The following TMEM214 variants were observed in gnomAD, a reference collection of about 807,000 sequenced individuals.
TMEM214 encodes transmembrane protein 214.
In TMEM214, 71 loss-of-function variants were observed where a neutral mutation model predicts 89.8. The observed-to-expected ratio is 0.79, with a 90% CI of 0.65 to 0.96. The LOEUF is 0.96. Ranked by LOEUF, TMEM214 falls within the 40% of genes least tolerant of loss-of-function variation. The probability of loss-of-function intolerance (pLI) is 0.00; values close to 1 mark genes in which losing one functional copy is unlikely to be tolerated. For missense variants in TMEM214, 754 were observed against 843.4 expected, an observed-to-expected ratio of 0.89 and a Z score of 1.31; for synonymous variants, 332 against 349.5, an observed-to-expected ratio of 0.95 and a Z score of 0.56.
In TMEM214 at chr2:27,034,050, A is replaced by G; in HGVS notation, c.152-17A>G. On this transcript the variant is annotated splice_polypyrimidine_tract_variant and intron_variant, in intron 1 of 16. Transcript: ENST00000238788. ...ACTCAAGGGTGGCCTGCCTTTCTCTACCTATCTTCACCCCAGCTGCAATCC... is the reference window on the plus strand; with the variant it reads ...ACTCAAGGGTGGCCTGCCTTTCTCTGCCTATCTTCACCCCAGCTGCAATCC... The G allele has an allele frequency of 1.2e-6, 2 of 1,613,846 alleles. No homozygotes were observed. The highest frequency in any genetic ancestry group is 1.7e-6 in the Non-Finnish European group (2 of 1,179,906).
chr2:27,034,080 C>G lies in TMEM214; in HGVS notation c.165C>G (p.Thr55=), dbSNP rs200298703. The G allele has an allele frequency of 2.5e-6, 4 of 1,614,018 alleles. No individual in the cohort carries two copies. Among genetic ancestry groups the G allele is most frequent in the African/African-American group, 1.3e-5 (1 of 74,900 alleles). The change falls in exon 2 of 17, where the codon ACC becomes ACG. Residue 55 remains threonine, a synonymous_variant. Coordinates refer to ENST00000238788, the MANE Select transcript of TMEM214 (RefSeq NM_017727.5). ...TCTTCACCCCAGCTGCAATCCAGAC[C>G]ACAAGCACCCTTTATGAGCGGGGCT... is the stretch of plus-strand genomic sequence containing the variant. ...WKYDLTPAIQ[T]TSTLYERGFE...
Position 27,035,587 on chromosome 2 carries a change from G to C in TMEM214, c.503-7G>C, listed in dbSNP as rs773958210. 5.6e-6 allele frequency: 9 copies of C among 1,614,122 alleles called. No individual in the cohort carries two copies. The highest frequency in any genetic ancestry group is 7.6e-6 in the Non-Finnish European group (9 of 1,180,022). On this transcript the variant is annotated splice_polypyrimidine_tract_variant and splice_region_variant and intron_variant, in intron 3 of 16. Transcript: ENST00000238788. ...CTAGCACTCACATTGAGGCCTATGG[G>C]CCTTAGATTATCCCTACAGCCTGGT...
chr2:27,036,864 C>CATAGCCTCCCATT, intron 7 of TMEM214, 78 bp downstream of exon 7: 1 of 1,458,944 alleles, frequency 6.9e-7, no homozygotes, highest in Non-Finnish European at 9.6e-7. Context: ...AGGCTATGAT[C>CATAGCCTCCCATT]TTGGTCTCCA....
At chr2:27,037,262 C>A (rs1667608121) in intron 8 of TMEM214, 84 bp downstream of exon 8, 2 of 1,210,642 alleles carry the variant, frequency 1.7e-6, no homozygotes, top group Non-Finnish European at 1.2e-6. Context: ...CCTTCCCCAG[C>A]CATCCTAGAT....
chr2:27,039,049 C>G lies in TMEM214; in HGVS notation c.1410C>G (p.Gly470=), dbSNP rs771884252. Residue 470 remains glycine, a splice_region_variant and synonymous_variant, in exon 13 of 17, where the codon GGC becomes GGG. Coordinates refer to ENST00000238788, the MANE Select transcript of TMEM214 (RefSeq NM_017727.5). ...GTCTCCTGCTCCCCTCCCACCAGGG[C>G]CTGTTGCAGCAGGTTCAGGGTCCTC... ...DVVTCDMACK[G]LLQQVQGPRL... is the part of the protein sequence containing the mutation. 14 of 1,613,342 alleles carry G rather than the reference C, an allele frequency of 8.7e-6. No homozygotes were observed. Among genetic ancestry groups the G allele is most frequent in the African/African-American group, 2.7e-5 (2 of 74,952 alleles).
In TMEM214 at chr2:27,036,515, G is replaced by A. The variant is rs754587147; in HGVS notation, c.749G>A (p.Ser250Asn). Residue 250 changes from serine (S) to asparagine (N), a missense_variant, in exon 6 of 17, where the codon AGC becomes AAC. Transcript: ENST00000238788. ...CTGGAACTGCTGAGGTCCCACCAGA[G>A]CCGACCAGCAAAGTGTCTCACCATC... ...KFLELLRSHQ[S>N]RPAKCLTIMW... 1.2e-6 allele frequency: 2 copies of A among 1,614,168 alleles called. No individual in the cohort carries two copies. Among genetic ancestry groups the A allele is most frequent in the South Asian group, 2.2e-5 (2 of 91,086 alleles).
intron 1 of TMEM214, among the ~76,000 whole-genome samples, chr2:27,033,536 C>T (rs1331448131): frequency 6.6e-6 from 1 of 152,112 alleles, no homozygotes; most frequent in Non-Finnish European, 1.5e-5. Context: ...ACACGGTGCC[C>T]CCTCTTTAAG....
intron 4 of TMEM214, 97 bp from the exon 5 acceptor site, chr2:27,035,873 G>A: frequency 6.3e-7 from 1 of 1,576,528 alleles, no homozygotes; most frequent in Non-Finnish European, 8.7e-7. Context: ...TTAGGAGTCA[G>A]TGGACCTGGG....
At chr2:27,039,313 T>G in intron 13 of TMEM214, 149 bp downstream of exon 13, 1 of 664,072 alleles carries the variant, frequency 1.5e-6, no homozygotes, top group Non-Finnish European at 2.6e-6. Flanking sequence ...GATTTTTTTG[T>G]CCACAGATAT....
At chr2:27,036,267 C>A (rs1450589164) in intron 5 of TMEM214, among the ~76,000 whole-genome samples, 5 of 152,210 alleles carry the variant, frequency 3.3e-5, no homozygotes, top group Admixed American at 2.0e-4. Context: ...AAGATTGAGC[C>A]ACAGAGGAGT....
At chr2:27,039,624 T>G in intron 13 of TMEM214, 117 bp from the exon 14 acceptor site, 96 of 900,332 alleles carry the variant, frequency 1.1e-4, no homozygotes, top group Non-Finnish European at 1.4e-4. Context: ...TGTGGCCCTG[T>G]GAGAACACAA....
chr2:27,040,054 C>G lies in TMEM214; in HGVS notation c.1647C>G (p.Leu549=), dbSNP rs1263971755. The G allele has an allele frequency of 1.7e-5, 27 of 1,607,106 alleles. No homozygotes were observed. The highest frequency in any genetic ancestry group is 2.3e-5 in the Non-Finnish European group (27 of 1,179,780). The change falls in exon 15 of 17, where the codon CTC becomes CTG. Residue 549 remains leucine, a synonymous_variant. Coordinates refer to ENST00000238788, the MANE Select transcript of TMEM214 (RefSeq NM_017727.5). ...GYSWLGETLP[L]WGSHLLTVVR... ...GCTGGCTGGGGGAGACACTGCCGCT[C>G]TGGGGCTCCCACCTGCTCACCGTGG... is the stretch of plus-strand genomic sequence containing the variant.
In TMEM214 at chr2:27,038,004, G is replaced by C; in HGVS notation, c.1153-142G>C. ...ACAGCCTCTCAGAGAGCTTTCTGGA[G>C]TCTTGACACTGTTTCTCCACCCCTT... On this transcript the variant is annotated intron_variant, in intron 9 of 16. Coordinates refer to ENST00000238788, the MANE Select transcript of TMEM214 (RefSeq NM_017727.5). The surrounding 1 kb of genome is among the most constrained non-coding windows in gnomAD (Gnocchi z 4.4). 1 of 1,585,448 alleles carries C rather than the reference G, an allele frequency of 6.3e-7. No individual in the cohort carries two copies. Among genetic ancestry groups the C allele is most frequent in the South Asian group, 1.1e-5 (1 of 87,548 alleles).
chr2:27,035,020 G>A (rs1337362835), intron 2 of TMEM214, 115 bp from the exon 3 acceptor site: 8 of 1,152,496 alleles, frequency 6.9e-6, no homozygotes, highest in Non-Finnish European at 9.9e-6. Context: ...CTTAAAAATG[G>A]AATCCCTTCT....
Position 27,038,775 on chromosome 2 carries a change from G to T in TMEM214, c.1367G>T (p.Ser456Ile). ...TNQELLRKGSSNNQDVVTCDM... is the reference protein window; with the variant it reads ...TNQELLRKGSINNQDVVTCDM... ...CAGGAGCTGCTGAGGAAGGGTAGCA[G>T]TAACAACCAGGATGTCGTCACCTGT... is the stretch of plus-strand genomic sequence containing the variant. Residue 456 changes from serine (S) to isoleucine (I), a missense_variant, in exon 12 of 17, where the codon AGT becomes ATT. Physicochemically the swap from Ser to Ile is moderately radical, Grantham distance 142. Coordinates refer to ENST00000238788, the MANE Select transcript of TMEM214 (RefSeq NM_017727.5). This position sits in a 1 kb window ranked among gnomAD's most constrained non-coding sequence, Gnocchi z 4.4. 1 of 1,614,190 alleles carries T rather than the reference G, an allele frequency of 6.2e-7. No homozygotes were observed. The highest frequency in any genetic ancestry group is 8.5e-7 in the Non-Finnish European group (1 of 1,180,020).
In TMEM214 at chr2:27,040,073, A is replaced by G. The variant is rs1667763323; in HGVS notation, c.1666A>G (p.Thr556Ala). The G allele has an allele frequency of 1.2e-6, 2 of 1,608,610 alleles. No homozygotes were observed. The highest frequency in any genetic ancestry group is 4.5e-5 in the East Asian group (2 of 44,860). The change falls in exon 15 of 17, where the codon ACC becomes GCC. Residue 556 changes from threonine to alanine, a missense_variant. Coordinates refer to ENST00000238788, the MANE Select transcript of TMEM214 (RefSeq NM_017727.5). The part of the protein sequence containing the change: ...TLPLWGSHLL[T>A]VVRPSLQLAW... Reference sequence around the variant, plus strand: ...GCCGCTCTGGGGCTCCCACCTGCTCACCGTGGTGCGGCCCAGCTTGCAGCT... The same window carrying G: ...GCCGCTCTGGGGCTCCCACCTGCTCGCCGTGGTGCGGCCCAGCTTGCAGCT...
At chr2:27,039,516 G>A (rs1389332892) in intron 13 of TMEM214, 6 of 604,896 alleles carry the variant, frequency 9.9e-6, no homozygotes, top group Non-Finnish European at 1.8e-5. Flanking sequence ...TGAAGCCTGA[G>A]CCTAGGCTCC....
intron 8 of TMEM214, 58 bp downstream of exon 8, chr2:27,037,236 A>G: frequency 2.2e-6 from 3 of 1,342,340 alleles, no homozygotes; most frequent in Non-Finnish European, 2.1e-6. Flanking sequence ...GAACCACACT[A>G]CATATTCCCG....
chr2:27,036,953 T>C, intron 7 of TMEM214, 124 bp from the exon 8 acceptor site: 1 of 1,111,496 alleles, frequency 9.0e-7, no homozygotes, highest in Non-Finnish European at 1.4e-6. Flanking sequence ...AGGGAGCTAT[T>C]AAGGGCTGGC....
Sources: allele counts gnomAD v4.1 joint callset (sites outside exome capture counted in the v4.1 genomes callset), GRCh38; gene constraint gnomAD v4.1.1; non-coding constraint Gnocchi (gnomAD v3.1); transcripts MANE v1.5; gene names NCBI Gene and HGNC (gene_info 2026-07-23, HGNC 2026-07-21).